The following ZNF860 variants were observed in gnomAD, a reference collection of about 807,000 sequenced individuals.
ZNF860 encodes the protein zinc finger protein 860.
For missense variants in ZNF860, 641 were observed against 759.2 expected (o/e 0.84, Z 1.83); for synonymous variants, 206 against 248.9 (o/e 0.83, Z 1.62).
the ZNF860 span, among the ~76,000 whole-genome samples, chr3:32,005,132 C>T: frequency 1.3e-5 from 2 of 152,012 alleles, no homozygotes; most frequent in Admixed American, 6.6e-5. Context: ...CATAGGTATA[C>T]GTGTGCCATG....
At chr3:31,986,587 T>C (rs992518643) in intron 1 of ZNF860, among the ~76,000 whole-genome samples, 1 of 151,696 alleles carries the variant, frequency 6.6e-6, no homozygotes, top group African/African-American at 2.4e-5. Flanking sequence ...CTACTAAAAA[T>C]ACAAAAAAAA....
chr3:31,990,969 C>A lies in ZNF860; in HGVS notation c.1890C>A (p.Val630=), dbSNP rs779702794. 3 of 1,573,112 alleles carry A rather than the reference C, an allele frequency of 1.9e-6. No homozygotes were observed. Among genetic ancestry groups the A allele is most frequent in the Non-Finnish European group, 2.6e-6 (3 of 1,158,950 alleles). Residue 630 remains valine (V), a synonymous_variant, in exon 2 of 2, where the codon GTC becomes GTA. Coordinates refer to ENST00000360311, the MANE Select transcript of ZNF860 (RefSeq NM_001137674.3). The stretch of plus-strand genomic sequence containing the variant: ...ACAAATGTCATAAGCGTGGCAAGGT[C>A]TTCAGTTAGAGGTCACTCCTTGCAA... ...KSYKCHKRGK[V]FS is the part of the protein sequence containing the mutation.
chr3:32,003,909 T>A, the ZNF860 span, among the ~76,000 whole-genome samples: 1,592 of 152,196 alleles, frequency 0.01, 36 homozygotes, highest in African/African-American at 0.036. Flanking sequence ...TACTAAGGGC[T>A]CTTTTGGACT....
At chr3:32,001,994 A>AT in the ZNF860 span, among the ~76,000 whole-genome samples, 73 of 152,214 alleles carry the variant, frequency 4.8e-4, no homozygotes, top group South Asian at 6.2e-4. Context: ...GAAGTAAGAC[A>AT]TTCATTTTGC....
the ZNF860 span, among the ~76,000 whole-genome samples, chr3:32,001,148 T>A: frequency 6.6e-6 from 1 of 152,196 alleles, no homozygotes; most frequent in East Asian, 1.9e-4. Context: ...CTGTGCTTTA[T>A]GGCATAAGCT....
rs1698982334 is a variant in ZNF860, at chr3:31,988,939, CTG to C, written c.-138_-137del. The stretch of plus-strand genomic sequence containing the variant: ...GCCTCCAAACCCCGACCCACAGCGA[CTG>C]TGAGATAATCAGTGTTTGTTGCCTT... On this transcript the variant is annotated 5_prime_UTR_variant, in exon 2 of 2. Coordinates refer to ENST00000360311, the MANE Select transcript of ZNF860 (RefSeq NM_001137674.3). The C allele has an allele frequency of 9.0e-7, 1 of 1,110,892 alleles. No homozygotes were observed. Among genetic ancestry groups the C allele is most frequent in the African/African-American group, 1.6e-5 (1 of 63,488 alleles). 68.8% of individuals were successfully genotyped at this position (1,110,892 alleles called of 1,614,324 possible). A position where few individuals can be genotyped will look rare whatever the true frequency, so the allele number is the denominator to read the frequency against.
rs1374031878 is a variant in ZNF860, at chr3:31,983,791, G to A, written c.-421+1889G>A. On this transcript the variant is annotated intron_variant, in intron 1 of 1. Coordinates refer to ENST00000360311, the MANE Select transcript of ZNF860 (RefSeq NM_001137674.3). ...TACCTGCAGAATTATGTTTGGAGAG[G>A]AAAAAGTCTTTATGTTTGAAAAACA... is the stretch of plus-strand genomic sequence containing the variant. Among the ~76,000 whole-genome samples, 3 of 152,156 alleles carry A rather than the reference G, an allele frequency of 2.0e-5. No individual in the cohort carries two copies. The South Asian group carries it at 6.2e-4, about 31-fold the overall frequency.
Position 31,990,161 on chromosome 3 carries a change from C to T in ZNF860, c.1082C>T (p.Thr361Ile). 1.2e-6 allele frequency: 2 copies of T among 1,611,052 alleles called. No individual in the cohort carries two copies. The highest frequency in any genetic ancestry group is 1.7e-5 in the Admixed American group (1 of 59,820). Residue 361 changes from threonine (T) to isoleucine (I), a missense_variant, in exon 2 of 2, where the codon ACT becomes ATT. Thr to Ile is a moderately conservative substitution (Grantham distance 89). Transcript: ENST00000360311. ...CGTGATTCACACCTCACACAACACA[C>T]TAGAATTCACACTGGAGAGAAACCT... Reference protein sequence around the residue: ...FRRDSHLTQHTRIHTGEKPYK... With the variant: ...FRRDSHLTQHIRIHTGEKPYK...
At chr3:32,002,827 T>C in the ZNF860 span, among the ~76,000 whole-genome samples, 16 of 132,098 alleles carry the variant, frequency 1.2e-4, no homozygotes, top group Non-Finnish European at 2.7e-4. Context: ...TGAATCTGCT[T>C]TTATCTTTTA....
downstream of ZNF860, among the ~76,000 whole-genome samples, chr3:31,993,222 A>G (rs1419851132): frequency 7.7e-6 from 1 of 129,862 alleles, no homozygotes; most frequent in African/African-American, 3.1e-5. Context: ...ATTTTATTTT[A>G]TTTTTGAGAC....
chr3:32,003,044 C>T, the ZNF860 span, among the ~76,000 whole-genome samples: 1 of 152,098 alleles, frequency 6.6e-6, no homozygotes, highest in African/African-American at 2.4e-5. Flanking sequence ...AGAAGCTGGC[C>T]GAACGAAAGT....
At chr3:32,004,348 T>C in the ZNF860 span, among the ~76,000 whole-genome samples, 1 of 152,148 alleles carries the variant, frequency 6.6e-6, no homozygotes, top group Admixed American at 6.5e-5. Flanking sequence ...GATTATGCTG[T>C]GATAGGCAAG....
the ZNF860 span, among the ~76,000 whole-genome samples, chr3:31,999,358 T>TC: frequency 8.5e-6 from 1 of 117,558 alleles, no homozygotes. Context: ...AATATCAAAA[T>TC]CTTTTTTTTT....
At position 31,990,096 on chromosome 3, in the gene ZNF860, G is replaced by A. The variant is rs1468177217; in HGVS notation, c.1017G>A (p.Glu339=). The A allele has an allele frequency of 1.2e-6, 2 of 1,611,600 alleles. No individual in the cohort carries two copies. The highest frequency in any genetic ancestry group is 2.7e-5 in the African/African-American group (2 of 74,716). The change falls in exon 2 of 2, where the codon GAG becomes GAA. Residue 339 remains glutamate, a synonymous_variant. Coordinates refer to ENST00000360311, the MANE Select transcript of ZNF860 (RefSeq NM_001137674.3). ...GACATAGGAGAATTCATACTGGAGAGAAACCATACAAATGTAAGGTTTGTG... is the reference window on the plus strand; with the variant it reads ...GACATAGGAGAATTCATACTGGAGAAAAACCATACAAATGTAAGGTTTGTG... ...LERHRRIHTG[E]KPYKCKVCEK...
chr3:31,998,810 T>C, the ZNF860 span, among the ~76,000 whole-genome samples: 1 of 152,190 alleles, frequency 6.6e-6, no homozygotes, highest in Non-Finnish European at 1.5e-5. Flanking sequence ...TTTTCTGCCA[T>C]TGGCTATGGT....
At chr3:32,006,150 T>C in the ZNF860 span, among the ~76,000 whole-genome samples, 6 of 152,006 alleles carry the variant, frequency 3.9e-5, no homozygotes, top group Admixed American at 2.0e-4. Flanking sequence ...TTCACCATGT[T>C]GGCCAGGCTG....
rs757499544 is a variant in ZNF860 at position 31,989,469 on chromosome 3, A to T, written c.390A>T (p.Gln130His). 1.2e-6 allele frequency: 2 copies of T among 1,614,110 alleles called. No homozygotes were observed. Among genetic ancestry groups the T allele is most frequent in the Non-Finnish European group, 1.7e-6 (2 of 1,180,044 alleles). ...ATAGCCATGAAGCAACTATGACACA[A>T]ATCAAAAAGTTGACTGGTAGCACCG... ...KRNSHEATMT[Q>H]IKKLTGSTDR... The change falls in exon 2 of 2, where the codon CAA (glutamine) becomes CAT (histidine). Residue 130 changes from glutamine to histidine, a missense_variant. Coordinates refer to ENST00000360311, the MANE Select transcript of ZNF860 (RefSeq NM_001137674.3).
the ZNF860 span, among the ~76,000 whole-genome samples, chr3:32,005,973 C>A: frequency 6.6e-6 from 1 of 151,498 alleles, no homozygotes; most frequent in South Asian, 2.1e-4. Flanking sequence ...GAGACAGAGT[C>A]TTGCTCTGTC....
the ZNF860 span, among the ~76,000 whole-genome samples, chr3:31,998,775 A>G: frequency 6.6e-6 from 1 of 152,068 alleles, no homozygotes; most frequent in African/African-American, 2.4e-5. Flanking sequence ...ATCCACGTCT[A>G]TTGGTTTTTC....
Sources: allele counts gnomAD v4.1 joint callset (sites outside exome capture counted in the v4.1 genomes callset), GRCh38; gene constraint gnomAD v4.1.1; transcripts MANE v1.5; gene names NCBI Gene and HGNC (gene_info 2026-07-23, HGNC 2026-07-21).